Variants in UTY observed in about 807,000 individuals in gnomAD.
UTY encodes the protein ubiquitously transcribed tetratricopeptide repeat containing, Y-linked, also known as histone demethylase UTY.
A neutral mutation model predicts 32.5 loss-of-function variants in UTY; 12 were observed. The observed-to-expected ratio is 0.37, with a 90% CI of 0.24 to 0.60. The LOEUF is 0.60. UTY is among the 20% of genes least tolerant of loss of function. UTY has a pLI of 0.69. For synonymous variants in UTY, 131 were observed against 103.4 expected (o/e 1.27, Z -1.62); for missense variants, 303 against 299.2 (o/e 1.01, Z -0.09).
Position 13,251,133 on chromosome Y carries a change from A to G in UTY, c.4192T>C (p.Tyr1398His), listed in dbSNP as rs917117535. ...GCACAATCATGGCAATGTACTATGTAGGTTTTTTGAGTATTGCTTTCATTA... is the reference window on the plus strand; with the variant it reads ...GCACAATCATGGCAATGTACTATGTGGGTTTTTTGAGTATTGCTTTCATTA... ...VTNESNTQKT[Y>H]IVHCHDCARK... The change falls in exon 29 of 30, where the codon TAC (tyrosine) becomes CAC (histidine). Residue 1398 changes from tyrosine (Y) to histidine (H), a missense_variant. Transcript: ENST00000545955. 1 of 396,326 alleles carries G rather than the reference A, an allele frequency of 2.5e-6. No individual in the cohort carries two copies. Among genetic ancestry groups the G allele is most frequent in the Non-Finnish European group, 3.5e-6 (1 of 282,378 alleles).
intron 27 of UTY, among the ~76,000 whole-genome samples, chrY:13,292,813 C>A (rs2057833387): frequency 3.0e-5 from 1 of 33,258 alleles, no homozygotes; most frequent in Non-Finnish European, 7.4e-5. Flanking sequence ...TCAACACCAC[C>A]ATAATATCAA....
intron 3 of UTY, among the ~76,000 whole-genome samples, chrY:13,452,126 T>C (rs772384110): frequency 3.0e-5 from 1 of 33,266 alleles, no homozygotes; most frequent in African/African-American, 1.2e-4. Context: ...CCCAGTACTT[T>C]TGGGGGCCGA....
chrY:13,270,080 C>T, intron 27 of UTY, among the ~76,000 whole-genome samples: 3 of 33,459 alleles, frequency 9.0e-5, no homozygotes, highest in Non-Finnish European at 1.5e-4. Context: ...TATGAAAAGG[C>T]GTGGAATAAA....
chrY:13,314,575 T>G, intron 21 of UTY, among the ~76,000 whole-genome samples: 3 of 33,871 alleles, frequency 8.9e-5, no homozygotes, highest in Admixed American at 8.1e-4. Context: ...TTGACGAGAC[T>G]GCCAAGACCA....
Position 13,479,289 on chromosome Y carries a change from C to G in UTY, c.181G>C (p.Glu61Gln), listed in dbSNP as rs1205340441. Residue 61 changes from glutamate (E) to glutamine (Q), a missense_variant, in exon 2 of 30, where the codon GAA (glutamate) becomes CAA (glutamine). Transcript: ENST00000545955. ...AGGGTCTTCGTTCTGGCGCCATCTT[C>G]ATGAAGCCTCACGAACCCGAAGAGA... ...SRLFGFVRLH[E>Q]DGARTKTLLG... 12 of 398,496 alleles carry G rather than the reference C, an allele frequency of 3.0e-5. No homozygotes were observed. The highest frequency in any genetic ancestry group is 3.9e-5 in the Non-Finnish European group (11 of 283,460).
intron 13 of UTY, 74 bp from the exon 14 acceptor site, chrY:13,358,693 C>A: frequency 4.0e-6 from 1 of 248,629 alleles, no homozygotes; most frequent in East Asian, 1.1e-4. Flanking sequence ...TATAAAACTT[C>A]ATATACTTTT....
At chrY:13,435,628 C>A in intron 4 of UTY, among the ~76,000 whole-genome samples, 1 of 33,930 alleles carries the variant, frequency 2.9e-5, no homozygotes, top group East Asian at 7.7e-4. Flanking sequence ...TGTTTTTGGT[C>A]TCCAAAGGTC....
At chrY:13,386,656 T>C in intron 8 of UTY, among the ~76,000 whole-genome samples, 1 of 32,664 alleles carries the variant, frequency 3.1e-5, no homozygotes, top group Non-Finnish European at 7.5e-5. Flanking sequence ...CTAAAACTAA[T>C]TCTAAATTAT....
At chrY:13,446,597 G>C in intron 4 of UTY, among the ~76,000 whole-genome samples, 3 of 26,087 alleles carry the variant, frequency 1.2e-4, no homozygotes, top group African/African-American at 4.4e-4. Context: ...TAGATAGATA[G>C]ATAGATAGAT....
chrY:13,453,970 C>T, intron 3 of UTY, among the ~76,000 whole-genome samples: 1 of 31,537 alleles, frequency 3.2e-5, no homozygotes, highest in Admixed American at 2.9e-4. Flanking sequence ...GCCTGTAATC[C>T]CAACACTTTG....
At position 13,432,421 on chromosome Y, in the gene UTY, TACTA is replaced by T. The variant is rs2074123429; in HGVS notation, c.375+16592_375+16595del. Among the ~76,000 whole-genome samples the T allele has an allele frequency of 1.5e-4, 5 of 33,159 alleles. No homozygotes were observed. In the East Asian group the frequency reaches 4.0e-3, roughly 26 times the overall value. The allele number at this position is 33,159 out of a possible 37,273, so 89.0% of individuals were successfully genotyped here. A position where few individuals can be genotyped will look rare whatever the true frequency, so the allele number is the denominator to read the frequency against. ...AGTTTAGGTATAAACACACTTCCAC[TACTA>T]ACTATCTCCAGCAGTTGCCTACCTA... On this transcript the variant is annotated intron_variant, in intron 4 of 29. Coordinates refer to ENST00000545955, the MANE Select transcript of UTY (RefSeq NM_001258249.2).
At chrY:13,307,438 G>C in intron 21 of UTY, among the ~76,000 whole-genome samples, 1 of 30,514 alleles carries the variant, frequency 3.3e-5, no homozygotes, top group Non-Finnish European at 7.9e-5. Context: ...AACTCAAAAT[G>C]AATGTGACCT....
chrY:13,267,684 C>T, intron 27 of UTY, among the ~76,000 whole-genome samples: 1 of 33,432 alleles, frequency 3.0e-5, no homozygotes, highest in Non-Finnish European at 7.4e-5. Context: ...GTGCTTCCTT[C>T]GGGAGCTCTT....
rs780840245 is a variant in UTY at position 13,354,993 on chromosome Y, C to CT, written c.2061+9dup. The CT allele has an allele frequency of 3.5e-4, 137 of 395,782 alleles. No homozygotes were observed. The highest frequency in any genetic ancestry group is 4.2e-4 in the Non-Finnish European group (120 of 282,756). ...ATAAGAGCCAAGAAAGCAGCTAGTC[C>CT]TTTTTTTACCTGAGCGGAGTTAGAT... On this transcript the variant is annotated intron_variant, in intron 17 of 29. Transcript: ENST00000545955.
At chrY:13,426,621 T>C (rs999544466) in intron 4 of UTY, among the ~76,000 whole-genome samples, 7 of 33,345 alleles carry the variant, frequency 2.1e-4, no homozygotes, top group African/African-American at 8.2e-4. Context: ...AGCCCCAATA[T>C]AACTTTAAGC....
chrY:13,302,203 A>G, intron 25 of UTY, among the ~76,000 whole-genome samples: 1 of 33,154 alleles, frequency 3.0e-5, no homozygotes, highest in Non-Finnish European at 7.4e-5. Context: ...TTTGTTATTG[A>G]TATTTTTAGC....
chrY:13,414,331 A>G, intron 5 of UTY, among the ~76,000 whole-genome samples: 1 of 34,339 alleles, frequency 2.9e-5, no homozygotes, highest in Non-Finnish European at 7.3e-5. Context: ...AATTATTTCC[A>G]GACTTGATGT....
At chrY:13,372,933 T>C (rs2065071234) in intron 8 of UTY, among the ~76,000 whole-genome samples, 4 of 33,448 alleles carry the variant, frequency 1.2e-4, no homozygotes, top group Non-Finnish European at 2.2e-4. Context: ...TGAACCCTTG[T>C]GTATTGCCAT....
intron 17 of UTY, among the ~76,000 whole-genome samples, chrY:13,338,715 A>G (rs775619021): frequency 3.0e-5 from 1 of 32,795 alleles, no homozygotes; most frequent in Non-Finnish European, 7.5e-5. Context: ...GGAATCAACT[A>G]TAACCTAATA....
Sources: allele counts gnomAD v4.1 joint callset (sites outside exome capture counted in the v4.1 genomes callset), GRCh38; gene constraint gnomAD v4.1.1; transcripts MANE v1.5; gene names NCBI Gene and HGNC (gene_info 2026-07-23, HGNC 2026-07-21).